Variants in AKAP19 observed in about 807,000 individuals in gnomAD.
AKAP19 encodes small A-kinase anchoring protein.
the AKAP19 span, among the ~76,000 whole-genome samples, chr2:189,939,246 C>T: frequency 2.0e-5 from 3 of 152,160 alleles, no homozygotes; most frequent in African/African-American, 4.8e-5. Flanking sequence ...TTTGTTCCAT[C>T]GTTCCCGTGG....
chr2:190,143,995 G>A, the AKAP19 span, among the ~76,000 whole-genome samples: 1 of 127,692 alleles, frequency 7.8e-6, no homozygotes, highest in South Asian at 2.6e-4. Flanking sequence ...CACAGGAAGG[G>A]GAATATCACA....
chr2:190,046,409 A>T, the AKAP19 span, among the ~76,000 whole-genome samples: 1 of 152,134 alleles, frequency 6.6e-6, no homozygotes, highest in Admixed American at 6.5e-5. Flanking sequence ...TAACATTCAG[A>T]CCTTTATCAC....
the AKAP19 span, among the ~76,000 whole-genome samples, chr2:189,965,164 G>A: frequency 6.6e-6 from 1 of 152,080 alleles, no homozygotes. Context: ...AGCCCAAGGA[G>A]GAGAGAGACA....
chr2:190,091,628 G>A, the AKAP19 span, among the ~76,000 whole-genome samples: 14 of 151,734 alleles, frequency 9.2e-5, no homozygotes, highest in Non-Finnish European at 1.3e-4. Flanking sequence ...TGATTACAAA[G>A]CCTAATTGAT....
the AKAP19 span, among the ~76,000 whole-genome samples, chr2:190,170,673 C>T: frequency 6.6e-6 from 1 of 152,092 alleles, no homozygotes; most frequent in Non-Finnish European, 1.5e-5. Context: ...CTGATATTAA[C>T]CGTAGAAATT....
At chr2:190,115,640 G>A in the AKAP19 span, among the ~76,000 whole-genome samples, 1 of 151,816 alleles carries the variant, frequency 6.6e-6, no homozygotes, top group African/African-American at 2.4e-5. Context: ...ATTTTAATCT[G>A]GATTCCATTA....
At chr2:189,904,299 T>C in the AKAP19 span, among the ~76,000 whole-genome samples, 28 of 152,138 alleles carry the variant, frequency 1.8e-4, no homozygotes, top group African/African-American at 6.7e-4. Flanking sequence ...GTTTTGCAGA[T>C]GAAACACAAA....
the AKAP19 span, chr2:189,924,164 C>T: frequency 6.2e-7 from 1 of 1,610,098 alleles, no homozygotes; most frequent in Non-Finnish European, 8.5e-7. Context: ...GAAAAAGAGG[C>T]TGAGGAAGGA....
chr2:190,155,671 A>AT, the AKAP19 span, among the ~76,000 whole-genome samples: 4 of 152,116 alleles, frequency 2.6e-5, no homozygotes, highest in Non-Finnish European at 4.4e-5. Context: ...AATAACTTCA[A>AT]TTTTTTTAAT....
the AKAP19 span, among the ~76,000 whole-genome samples, chr2:190,120,710 A>T: frequency 6.6e-6 from 1 of 152,182 alleles, no homozygotes; most frequent in Non-Finnish European, 1.5e-5. Flanking sequence ...AGTAGGAAAA[A>T]TTTTAAAGTT....
At chr2:189,900,146 CAG>C in the AKAP19 span, among the ~76,000 whole-genome samples, 1 of 152,102 alleles carries the variant, frequency 6.6e-6, no homozygotes, top group East Asian at 1.9e-4. Flanking sequence ...CAACTTAAAA[CAG>C]TATTGAATTG....
chr2:190,123,635 G>A, the AKAP19 span, among the ~76,000 whole-genome samples: 1 of 152,156 alleles, frequency 6.6e-6, no homozygotes, highest in South Asian at 2.1e-4. Flanking sequence ...TGATCGCTCA[G>A]GATTGCAAGA....
At chr2:190,077,455 G>A in the AKAP19 span, among the ~76,000 whole-genome samples, 1 of 151,554 alleles carries the variant, frequency 6.6e-6, no homozygotes, top group Non-Finnish European at 1.5e-5. Flanking sequence ...ATGTTAACAT[G>A]TTAACATGTT....
chr2:190,202,147 CAG>C, the AKAP19 span: 1 of 167,138 alleles, frequency 6.0e-6, no homozygotes, highest in South Asian at 2.1e-4. Flanking sequence ...AGGGGTGTGA[CAG>C]AGATGCCTGC....
chr2:190,070,999 C>T, the AKAP19 span, among the ~76,000 whole-genome samples: 3 of 152,030 alleles, frequency 2.0e-5, no homozygotes, highest in African/African-American at 7.3e-5. Context: ...GAGGGGGGTC[C>T]CAGAAGATTA....
the AKAP19 span, among the ~76,000 whole-genome samples, chr2:190,080,569 A>G: frequency 5.2e-4 from 79 of 152,338 alleles, no homozygotes; most frequent in African/African-American, 1.9e-3. Flanking sequence ...GTAAGACCCA[A>G]TAAATGTTCA....
chr2:190,168,216 GC>G, the AKAP19 span, among the ~76,000 whole-genome samples: 5 of 152,194 alleles, frequency 3.3e-5, no homozygotes, highest in Admixed American at 3.3e-4. Flanking sequence ...TGAAGCAACA[GC>G]CCCAGCTATA....
chr2:189,915,840 A>G, the AKAP19 span, among the ~76,000 whole-genome samples: 1 of 152,164 alleles, frequency 6.6e-6, no homozygotes, highest in African/African-American at 2.4e-5. Flanking sequence ...ATGCAATAAG[A>G]TGAAATGTCA....
the AKAP19 span, among the ~76,000 whole-genome samples, chr2:190,014,033 C>A: frequency 2.6e-5 from 4 of 151,930 alleles, no homozygotes; most frequent in African/African-American, 7.3e-5. Flanking sequence ...TATTTGAGAT[C>A]GTCTTTTTTT....
Sources: gnomAD v4.1 joint callset for allele counts (sites outside exome capture counted in the v4.1 genomes callset) on GRCh38, gnomAD v4.1.1 for gene constraint, MANE v1.5 for transcripts, NCBI Gene and HGNC (gene_info 2026-07-23, HGNC 2026-07-21) for gene names.